The following AGMO variants were observed in gnomAD, a reference collection of about 807,000 sequenced individuals.
The protein encoded by AGMO is alkylglycerol monooxygenase.
In AGMO, 75 loss-of-function variants were observed where a neutral mutation model predicts 60.2. The observed-to-expected ratio is 1.25, with a 90% CI of 1.03 to 1.51. The LOEUF (loss-of-function observed/expected upper bound fraction) is 1.51. Among genes scored for constraint, AGMO ranks in the 40% most tolerant of loss-of-function variants. The probability of loss-of-function intolerance (pLI) is 0.00; values close to 1 mark genes in which losing one functional copy is unlikely to be tolerated. For missense variants in AGMO, 763 were observed against 525.5 expected, an observed-to-expected ratio of 1.45 and a Z score of -4.42; for synonymous variants, 261 against 177.1, an observed-to-expected ratio of 1.47 and a Z score of -3.76.
chr7:15,355,269 G>A (rs1353179961), intron 12 of AGMO, among the ~76,000 whole-genome samples: 9 of 152,160 alleles, frequency 5.9e-5, no homozygotes, highest in South Asian at 2.1e-4. Context: ...ATGGGAGGCC[G>A]AGACGGGCGG....
chr7:15,165,942 T>C, the AGMO span, among the ~76,000 whole-genome samples: 2 of 152,154 alleles, frequency 1.3e-5, no homozygotes, highest in South Asian at 2.1e-4. Context: ...AAGTGATTTA[T>C]AGGTATGTAT....
At chr7:15,471,325 T>C (rs1193330934) in intron 3 of AGMO, among the ~76,000 whole-genome samples, 1 of 151,928 alleles carries the variant, frequency 6.6e-6, no homozygotes, top group Non-Finnish European at 1.5e-5. Context: ...ATCGTATATC[T>C]GAACATGAGG....
At chr7:15,317,890 T>A (rs1780979068) in intron 12 of AGMO, among the ~76,000 whole-genome samples, 1 of 145,436 alleles carries the variant, frequency 6.9e-6, no homozygotes, top group Non-Finnish European at 1.5e-5. Flanking sequence ...TACACACGTA[T>A]ATATATACAC....
At chr7:15,461,489 G>T (rs374129504) in intron 3 of AGMO, among the ~76,000 whole-genome samples, 1,088 of 11,176 alleles carry the variant, frequency 0.097, 17 homozygotes, top group African/African-American at 0.32. Context: ...AAAACTAAAG[G>T]AAAAGGTGGT....
At chr7:15,442,451 T>C (rs1781583400) in intron 3 of AGMO, among the ~76,000 whole-genome samples, 1 of 152,190 alleles carries the variant, frequency 6.6e-6, no homozygotes, top group Non-Finnish European at 1.5e-5. Flanking sequence ...AGGTTTTATG[T>C]AGGAACATTT....
At chr7:15,321,391 T>G (rs1371376714) in intron 12 of AGMO, among the ~76,000 whole-genome samples, 1 of 152,208 alleles carries the variant, frequency 6.6e-6, no homozygotes, top group Non-Finnish European at 1.5e-5. Flanking sequence ...GTGAAATACT[T>G]TCTTGTACTA....
chr7:15,324,786 C>A (rs1781285160), intron 12 of AGMO, among the ~76,000 whole-genome samples: 1 of 152,116 alleles, frequency 6.6e-6, no homozygotes, highest in Admixed American at 6.6e-5. Flanking sequence ...GTGCATTTCA[C>A]AATAGAGTTC....
chr7:15,366,984 A>C (rs1783009303), intron 10 of AGMO, among the ~76,000 whole-genome samples: 1 of 152,062 alleles, frequency 6.6e-6, no homozygotes, highest in Non-Finnish European at 1.5e-5. Flanking sequence ...TTAGAGGAAA[A>C]GCAGATACTA....
At chr7:15,550,771 T>G (rs1388470843) in intron 2 of AGMO, among the ~76,000 whole-genome samples, 1 of 140,248 alleles carries the variant, frequency 7.1e-6, no homozygotes, top group African/African-American at 2.7e-5. Flanking sequence ...CTTCTGAAAC[T>G]ATTCCAATCA....
At chr7:15,253,920 A>G (rs1400785448) in intron 12 of AGMO, among the ~76,000 whole-genome samples, 1 of 151,946 alleles carries the variant, frequency 6.6e-6, no homozygotes, top group Admixed American at 6.6e-5. Flanking sequence ...CAATATTTTC[A>G]ACTCCATGTA....
intron 12 of AGMO, among the ~76,000 whole-genome samples, chr7:15,359,004 G>A (rs1407652638): frequency 1.3e-5 from 2 of 152,096 alleles, no homozygotes; most frequent in Non-Finnish European, 2.9e-5. Context: ...TTTATTTTCA[G>A]ATATGGAGTT....
intron 3 of AGMO, among the ~76,000 whole-genome samples, chr7:15,469,570 T>C (rs964122028): frequency 1.3e-5 from 2 of 152,120 alleles, no homozygotes; most frequent in Non-Finnish European, 2.9e-5. Flanking sequence ...CAAGAGGTCA[T>C]TTGAAATAGA....
the AGMO span, among the ~76,000 whole-genome samples, chr7:15,149,874 G>A: frequency 6.6e-6 from 1 of 151,998 alleles, no homozygotes; most frequent in African/African-American, 2.4e-5. Context: ...AATTTGATAG[G>A]AATAACATTG....
At chr7:15,275,577 C>G (rs1253995770) in intron 12 of AGMO, among the ~76,000 whole-genome samples, 1 of 151,932 alleles carries the variant, frequency 6.6e-6, no homozygotes, top group East Asian at 1.9e-4. Flanking sequence ...CTCTACAGTC[C>G]CCTTTAAGGT....
chr7:15,364,776 T>C (rs1441742660), intron 12 of AGMO, among the ~76,000 whole-genome samples: 2 of 152,062 alleles, frequency 1.3e-5, no homozygotes, highest in Non-Finnish European at 2.9e-5. Flanking sequence ...TCACTGATGC[T>C]AAGAGCGGGG....
the AGMO span, among the ~76,000 whole-genome samples, chr7:15,120,008 C>G: frequency 1.3e-5 from 2 of 150,726 alleles, no homozygotes; most frequent in Non-Finnish European, 2.9e-5. Context: ...TTAAGAACAT[C>G]TTTCCAACAA....
chr7:15,218,442 G>C (rs1019108358), intron 12 of AGMO, among the ~76,000 whole-genome samples: 1 of 150,594 alleles, frequency 6.6e-6, no homozygotes, highest in Non-Finnish European at 1.5e-5. Flanking sequence ...AGTTCTTTCA[G>C]TTCTTTTAGT....
intron 12 of AGMO, among the ~76,000 whole-genome samples, chr7:15,329,071 T>C (rs1486460732): frequency 6.6e-6 from 1 of 152,124 alleles, no homozygotes; most frequent in Non-Finnish European, 1.5e-5. Flanking sequence ...ACCTCAAAAG[T>C]GCTTATCCTT....
chr7:15,343,978 A>G, intron 12 of AGMO, among the ~76,000 whole-genome samples: 1 of 152,080 alleles, frequency 6.6e-6, no homozygotes, highest in African/African-American at 2.4e-5. Context: ...CTATCCATAA[A>G]ACTAACTGGA....
Sources: allele counts gnomAD v4.1 joint callset (sites outside exome capture counted in the v4.1 genomes callset), GRCh38; gene constraint gnomAD v4.1.1; transcripts MANE v1.5; gene names NCBI Gene and HGNC (gene_info 2026-07-23, HGNC 2026-07-21).